BABAM2: variants seen among roughly 807,000 people sequenced by gnomAD.
BABAM2 encodes BRISC and BRCA1-A complex member 2.
Under a neutral mutation model 54.7 loss-of-function variants are expected in BABAM2, and 31 were observed. The observed-to-expected ratio is 0.57, with a 90% CI of 0.43 to 0.77. The LOEUF is 0.77. Among genes scored for constraint, BABAM2 ranks in the 30% least tolerant of loss-of-function variants. BABAM2 has a pLI of 0.00. For synonymous variants in BABAM2, 167 were observed against 162.9 expected (o/e 1.03, Z -0.19); for missense variants, 364 against 455.8 (o/e 0.80, Z 1.83).
intron 1 of BABAM2, among the ~76,000 whole-genome samples, chr2:27,891,634 C>A (rs1348236118): frequency 6.6e-6 from 1 of 151,982 alleles, no homozygotes; most frequent in Non-Finnish European, 1.5e-5. Context: ...TTCACTGCAC[C>A]AAAGGACCAG....
intron 7 of BABAM2, among the ~76,000 whole-genome samples, chr2:28,186,882 T>C (rs1676355728): frequency 6.6e-6 from 1 of 151,630 alleles, no homozygotes; most frequent in African/African-American, 2.4e-5. Flanking sequence ...CTCGGCTCAC[T>C]GCAAGCTCCG....
intron 3 of BABAM2, among the ~76,000 whole-genome samples, chr2:27,983,942 C>CTTTTTTTTGTTTTTTTTTTTTTTTTTTT (rs1672199392): frequency 3.2e-5 from 1 of 31,138 alleles, no homozygotes; most frequent in Non-Finnish European, 6.5e-5. Flanking sequence ...CATTTTGTAC[C>CTTTTTTTTGTTTTTTTTTTTTTTTTTTT]TTTTTTTTTT....
At chr2:28,264,448 CA>C (rs1297123266) in intron 10 of BABAM2, among the ~76,000 whole-genome samples, 3 of 152,158 alleles carry the variant, frequency 2.0e-5, no homozygotes, top group Non-Finnish European at 4.4e-5. Flanking sequence ...CTATGTCAGG[CA>C]AATTAAAAAG....
intron 7 of BABAM2, among the ~76,000 whole-genome samples, chr2:28,181,865 G>A (rs1675675012): frequency 6.6e-6 from 1 of 151,938 alleles, no homozygotes; most frequent in East Asian, 1.9e-4. Flanking sequence ...GGATGAGGTA[G>A]CTATTTTGGA....
chr2:28,117,694 T>C (rs959065356), intron 6 of BABAM2, among the ~76,000 whole-genome samples: 1 of 152,150 alleles, frequency 6.6e-6, no homozygotes, highest in Non-Finnish European at 1.5e-5. Context: ...TAGTCACAAA[T>C]CTTGAAGAAA....
intron 7 of BABAM2, among the ~76,000 whole-genome samples, chr2:28,184,830 A>G (rs1391496660): frequency 2.0e-5 from 3 of 152,188 alleles, no homozygotes; most frequent in African/African-American, 4.8e-5. Context: ...TCCTTTCCCC[A>G]GGTAGTTTAT....
At chr2:28,136,955 G>A (rs1339719909) in intron 7 of BABAM2, among the ~76,000 whole-genome samples, 2 of 152,012 alleles carry the variant, frequency 1.3e-5, no homozygotes, top group South Asian at 4.1e-4. Context: ...AAAGCAATAA[G>A]CAAGTTAAAT....
At chr2:28,157,978 A>G (rs990648019) in intron 7 of BABAM2, among the ~76,000 whole-genome samples, 1 of 152,182 alleles carries the variant, frequency 6.6e-6, no homozygotes, top group African/African-American at 2.4e-5. Context: ...TATCCCACCT[A>G]CTAATGATAT....
At chr2:28,156,463 A>T (rs145436093) in intron 7 of BABAM2, among the ~76,000 whole-genome samples, 2,013 of 152,280 alleles carry the variant, frequency 0.013, 28 homozygotes, top group South Asian at 0.05. Flanking sequence ...GGTATTAGTC[A>T]CAGAATAAGC....
intron 7 of BABAM2, among the ~76,000 whole-genome samples, chr2:28,160,990 A>G (rs1673036518): frequency 1.3e-5 from 2 of 152,204 alleles, no homozygotes; most frequent in African/African-American, 4.8e-5. Context: ...TTAAACCATG[A>G]GGCGAGGTTC....
At chr2:27,923,277 T>G (rs1351028464) in intron 2 of BABAM2, among the ~76,000 whole-genome samples, 1 of 152,264 alleles carries the variant, frequency 6.6e-6, no homozygotes, top group Non-Finnish European at 1.5e-5. Context: ...CAGGCCATCA[T>G]AGCCAAGTTT....
In BABAM2 at chr2:28,303,886, T is replaced by C. The variant is rs116189662; in HGVS notation, c.1088+5395T>C. Among the ~76,000 whole-genome samples, 699 of 152,250 alleles carry C rather than the reference T, an allele frequency of 4.6e-3. 5 individuals carry two copies. Among genetic ancestry groups the C allele is most frequent in the Non-Finnish European group, 7.6e-3 (518 of 68,022 alleles). ...TTGAAATATTTTTAAATGTTTTTCTTTTTCTTTTTTTTGAGACAGAGTCTT... is the reference window on the plus strand; with the variant it reads ...TTGAAATATTTTTAAATGTTTTTCTCTTTCTTTTTTTTGAGACAGAGTCTT... On this transcript the variant is annotated intron_variant, in intron 11 of 11. Coordinates refer to ENST00000379624, the MANE Select transcript of BABAM2 (RefSeq NM_199191.3).
intron 7 of BABAM2, among the ~76,000 whole-genome samples, chr2:28,137,407 T>C (rs756876244): frequency 3.9e-5 from 6 of 152,172 alleles, no homozygotes; most frequent in African/African-American, 7.2e-5. Context: ...CTCTAGGGAC[T>C]TGAGATGTTC....
chr2:28,311,459 G>A (rs1339236604), intron 11 of BABAM2, among the ~76,000 whole-genome samples: 2 of 152,132 alleles, frequency 1.3e-5, no homozygotes, highest in African/African-American at 4.8e-5. Context: ...GCTGGTTTGG[G>A]ATTTTTATGA....
chr2:27,935,138 G>A lies in BABAM2; in HGVS notation c.205+5230G>A, dbSNP rs75684596. The stretch of plus-strand genomic sequence containing the variant: ...AGGATAGACTGACTTTCTGATTAGG[G>A]ACAAAGGCAGCTAGTGACTAATTTG... On this transcript the variant is annotated intron_variant, in intron 3 of 11. Transcript: ENST00000379624. Among the ~76,000 whole-genome samples the A allele has an allele frequency of 3.3e-3, 505 of 152,294 alleles. 1 individual carries two copies. The highest frequency in any genetic ancestry group is 4.3e-3 in the Non-Finnish European group (293 of 68,010).
chr2:27,912,996 A>C (rs1050636358), intron 2 of BABAM2, among the ~76,000 whole-genome samples: 1 of 152,188 alleles, frequency 6.6e-6, no homozygotes, highest in Non-Finnish European at 1.5e-5. Flanking sequence ...GAAGACATCA[A>C]AGTAAAGCAG....
At chr2:28,164,112 A>T (rs976344077) in intron 7 of BABAM2, among the ~76,000 whole-genome samples, 2 of 152,206 alleles carry the variant, frequency 1.3e-5, no homozygotes, top group African/African-American at 4.8e-5. Context: ...GATCATAGGG[A>T]TGGAAAGACA....
intron 7 of BABAM2, 24 bp downstream of exon 7, chr2:28,129,404 G>A (rs994403261): frequency 1.9e-6 from 3 of 1,569,512 alleles, no homozygotes; most frequent in African/African-American, 1.4e-5. Context: ...ACATGAGGTA[G>A]CCTGGTGCTA....
At chr2:28,025,569 C>T (rs1171282348) in intron 5 of BABAM2, 149 bp downstream of exon 5, 1 of 744,384 alleles carries the variant, frequency 1.3e-6, no homozygotes, top group Non-Finnish European at 2.0e-6. Flanking sequence ...TTTAAAGAGA[C>T]CTTAATGTTT....
Sources: gnomAD v4.1 joint callset for allele counts (sites outside exome capture counted in the v4.1 genomes callset) on GRCh38, gnomAD v4.1.1 for gene constraint, MANE v1.5 for transcripts, NCBI Gene and HGNC (gene_info 2026-07-23, HGNC 2026-07-21) for gene names.